Variants in DLG4 observed in about 807,000 individuals in gnomAD.
DLG4 encodes discs large MAGUK scaffold protein 4, also known as disks large homolog 4.
A neutral mutation model predicts 93.8 loss-of-function variants in DLG4; 7 were observed. The ratio of observed to expected loss-of-function variants is 0.07; its 90% CI spans 0.04 to 0.14. The LOEUF is 0.14. Ranked by LOEUF, DLG4 falls within the 10% of genes least tolerant of loss-of-function variation. The probability of loss-of-function intolerance (pLI) is 1.00; values close to 1 mark genes in which losing one functional copy is unlikely to be tolerated. For missense variants in DLG4, 545 were observed against 992.9 expected, an observed-to-expected ratio of 0.55 and a Z score of 6.06; for synonymous variants, 341 against 387.6, an observed-to-expected ratio of 0.88 and a Z score of 1.41.
At chr17:7,205,915 G>A (rs545465648) in intron 2 of DLG4, among the ~76,000 whole-genome samples, 3 of 151,006 alleles carry the variant, frequency 2.0e-5, no homozygotes, top group South Asian at 2.1e-4. Flanking sequence ...CATCCACTAC[G>A]ACATTCATTT....
At chr17:7,219,459 A>T (rs2071080957), upstream of DLG4, 1 of 1,028,232 alleles carries the variant, frequency 9.7e-7, no homozygotes, top group African/African-American at 1.7e-5. Context: ...TCTCAGAAGA[A>T]TACACTTAGG....
At position 7,195,779 on chromosome 17, in the gene DLG4, G is replaced by C. The variant is rs771015246; in HGVS notation, c.1301+441C>G. Among the ~76,000 whole-genome samples the C allele has an allele frequency of 6.6e-6, 1 of 152,188 alleles. No homozygotes were observed. Among genetic ancestry groups the C allele is most frequent in the Admixed American group, 6.5e-5 (1 of 15,286 alleles). On this transcript the variant is annotated intron_variant, in intron 11 of 19. Coordinates refer to ENST00000399506, the MANE Select transcript of DLG4 (RefSeq NM_001321075.3). This position sits in a 1 kb window ranked among gnomAD's most constrained non-coding sequence, Gnocchi z 4.3. ...AGCCACAAAAAGAGTCAATGGAGAC[G>C]AGCCCTAAGAGGGGAGCAAAATGCC...
intron 8 of DLG4, 187 bp downstream of exon 8, chr17:7,202,716 G>A (rs764741380): frequency 7.3e-5 from 56 of 766,124 alleles, no homozygotes; most frequent in African/African-American, 2.3e-4. Flanking sequence ...GATCGTTGAC[G>A]ATCTTTTCTA....
rs374480261 is a variant in DLG4 at position 7,204,258 on chromosome 17, T to A, written c.97-6A>T. On this transcript the variant is annotated splice_region_variant and splice_polypyrimidine_tract_variant and intron_variant, in intron 2 of 19. Transcript: ENST00000399506. ...ATCACTGGGGGAGAATTGGCCTGTT[T>A]GGGAAAACAAGAGACAAAAAGCAGC... 6.9e-5 allele frequency: 110 copies of A among 1,582,790 alleles called. No homozygotes were observed. The highest frequency in any genetic ancestry group is 8.3e-5 in the Non-Finnish European group (97 of 1,162,884).
rs557346415 is a variant in DLG4 at position 7,194,201 on chromosome 17, A to G, written c.1478+118T>C. On this transcript the variant is annotated intron_variant, in intron 12 of 19. Coordinates refer to ENST00000399506, the MANE Select transcript of DLG4 (RefSeq NM_001321075.3). The surrounding 1 kb of genome is among the most constrained non-coding windows in gnomAD (Gnocchi z 4.4). The stretch of plus-strand genomic sequence containing the variant: ...GAGCCACGGACCCCAGGAGGGCCCA[A>G]CAGACAAACCCCTAGGAGTTCAGAG... The G allele has an allele frequency of 4.2e-6, 6 of 1,413,048 alleles. No individual in the cohort carries two copies. In the Admixed American group the frequency reaches 1.4e-4, roughly 32 times the overall value. 87.5% of individuals were successfully genotyped at this position (1,413,048 alleles called of 1,614,324 possible).
chr17:7,205,471 A>G (rs2070413506), intron 2 of DLG4, among the ~76,000 whole-genome samples: 1 of 152,112 alleles, frequency 6.6e-6, no homozygotes, highest in Admixed American at 6.5e-5. Flanking sequence ...CAGTCGCCCA[A>G]GCGCAAGGAT....
Position 7,217,583 on chromosome 17 carries a change from G to C in DLG4, c.-436C>G. 7.3e-7 allele frequency: 1 copy of C among 1,379,226 alleles called. No individual in the cohort carries two copies. The highest frequency in any genetic ancestry group is 1.5e-5 in the African/African-American group (1 of 64,528). 85.4% of individuals were successfully genotyped at this position (1,379,226 alleles called of 1,614,324 possible). ...GGGTGGGGGGGTTGGAAACGGCAGC[G>C]GCCGAGGGAGCCGTGGAGCCGAAGA... is the stretch of plus-strand genomic sequence containing the variant. On this transcript the variant is annotated 5_prime_UTR_variant, in exon 1 of 20. Transcript: ENST00000399506.
intron 8 of DLG4, 119 bp downstream of exon 8, chr17:7,202,784 T>C (rs2070214837): frequency 2.4e-6 from 3 of 1,241,764 alleles, no homozygotes; most frequent in Non-Finnish European, 3.5e-6. Context: ...GGATCAGAGG[T>C]TGTGGCTATT....
intron 2 of DLG4, among the ~76,000 whole-genome samples, chr17:7,206,668 G>C (rs778664576): frequency 3.0e-4 from 46 of 151,990 alleles, no homozygotes; most frequent in Admixed American, 2.6e-4. Flanking sequence ...TCCTTTCCTT[G>C]CTCTGTCAGC....
At chr17:7,198,028 G>A (rs1341555057) in intron 8 of DLG4, among the ~76,000 whole-genome samples, 1 of 152,116 alleles carries the variant, frequency 6.6e-6, no homozygotes, top group African/African-American at 2.4e-5. Flanking sequence ...AAGATTAATG[G>A]TAGGTTCAGG....
rs554197823 is a variant in DLG4 at position 7,208,697 on chromosome 17, C to T, written c.31-458G>A. ...AGACTCACTCTTGTTCTAGCCTCCC[C>T]TCCCCTACCCCTCTGGCTGCTCCTA... On this transcript the variant is annotated intron_variant, in intron 1 of 19. Transcript: ENST00000399506. This position sits in a 1 kb window ranked among gnomAD's most constrained non-coding sequence, Gnocchi z 5.4. 6.6e-6 allele frequency among the ~76,000 whole-genome samples: 1 copy of T among 152,226 alleles called. No homozygotes were observed. Among genetic ancestry groups the T allele is most frequent in the East Asian group, 1.9e-4 (1 of 5,172 alleles).
chr17:7,218,968 T>G, upstream of DLG4: 1 of 1,069,808 alleles, frequency 9.3e-7, no homozygotes, highest in Non-Finnish European at 1.4e-6. Flanking sequence ...AGCTGTCCCA[T>G]TCCCCCAGGT....
chr17:7,193,342 A>G lies in DLG4; in HGVS notation c.1693+141T>C. 1 of 1,025,778 alleles carries G rather than the reference A, an allele frequency of 9.7e-7. No individual in the cohort carries two copies. The highest frequency in any genetic ancestry group is 1.4e-6 in the Non-Finnish European group (1 of 717,040). 63.5% of individuals were successfully genotyped at this position (1,025,778 alleles called of 1,614,324 possible). A position where few individuals can be genotyped will look rare whatever the true frequency, so the allele number is the denominator to read the frequency against. On this transcript the variant is annotated intron_variant, in intron 16 of 19. Coordinates refer to ENST00000399506, the MANE Select transcript of DLG4 (RefSeq NM_001321075.3). This position sits in a 1 kb window ranked among gnomAD's most constrained non-coding sequence, Gnocchi z 6.7. ...GTACTATGGAATGAGAGGGTGGCTG[A>G]GAAGCACCCCTTCTCGGAGAAACCC...
intron 2 of DLG4, 187 bp from the exon 3 acceptor site, chr17:7,204,439 A>G (rs1305142411): frequency 1.7e-6 from 1 of 605,698 alleles, no homozygotes; most frequent in East Asian, 2.8e-5. Flanking sequence ...GCACATGCGC[A>G]CGCGCACACA....
rs1458593015 is a variant in DLG4 at position 7,195,997 on chromosome 17, A to C, written c.1301+223T>G. 6.6e-6 allele frequency among the ~76,000 whole-genome samples: 1 copy of C among 152,228 alleles called. No individual in the cohort carries two copies. Among genetic ancestry groups the C allele is most frequent in the Non-Finnish European group, 1.5e-5 (1 of 68,040 alleles). ...AGTGCTGGGATGACCAGGGGCTAGA[A>C]GGCAATTGGGATACTTGGGGCAGAG... is the stretch of plus-strand genomic sequence containing the variant. On this transcript the variant is annotated intron_variant, in intron 11 of 19. Transcript: ENST00000399506. This position sits in a 1 kb window ranked among gnomAD's most constrained non-coding sequence, Gnocchi z 4.3.
rs1408572008 is a variant in DLG4, at chr17:7,196,806, C to T, written c.1034G>A (p.Gly345Asp). The change falls in exon 9 of 20, where the codon GGC (glycine) becomes GAC (aspartate). Residue 345 changes from glycine to aspartate, a missense_variant. Gly to Asp is a moderately conservative substitution (Grantham distance 94, BLOSUM62 -1). Around this residue, in one of 5 missense-constraint regions of DLG4, gnomAD observed 428 missense variants for 741.4 expected, o/e 0.58. Coordinates refer to ENST00000399506, the MANE Select transcript of DLG4 (RefSeq NM_001321075.3). This position sits in a 1 kb window ranked among gnomAD's most constrained non-coding sequence, Gnocchi z 8.3. ...GIFISFILAG[G>D]PADLSGELRK... ...CAGCTCCCCACTGAGGTCTGCAGGG[C>T]CCCCGGCCAGGATAAAGGAGATGAA... is the stretch of plus-strand genomic sequence containing the variant. 6.2e-7 allele frequency: 1 copy of T among 1,611,786 alleles called. No homozygotes were observed. The highest frequency in any genetic ancestry group is 8.5e-7 in the Non-Finnish European group (1 of 1,179,050).
intron 1 of DLG4, among the ~76,000 whole-genome samples, chr17:7,213,024 C>A (rs948568897): frequency 6.6e-6 from 1 of 151,868 alleles, no homozygotes; most frequent in South Asian, 2.1e-4. Context: ...CAGAGTGAGA[C>A]TCGGTCTCAA....
Position 7,187,547 on chromosome 17 carries a change from C to CAAT in DLG4, c.*3158_*3160dup, listed in dbSNP as rs61283875. ...GGCAACAAGAGCGAAACTCTGTCTC[C>CAAT]AATAATAATAATAATAATAATAATA... is the stretch of plus-strand genomic sequence containing the variant. On this transcript the variant is annotated 3_prime_UTR_variant, in exon 20 of 20. Transcript: ENST00000399506. Among the ~76,000 whole-genome samples, 32,152 of 145,626 alleles carry CAAT rather than the reference C, an allele frequency of 0.22. 3,641 individuals are homozygous for CAAT. Among genetic ancestry groups the CAAT allele is most frequent in the South Asian group, 0.31 (1,409 of 4,494 alleles).
intron 1 of DLG4, among the ~76,000 whole-genome samples, chr17:7,211,090 C>A (rs1167319437): frequency 1.7e-5 from 2 of 119,400 alleles, no homozygotes; most frequent in East Asian, 2.6e-4. Flanking sequence ...AAATTTTCGA[C>A]GTACATGTAG....
Sources: gnomAD v4.1 joint callset for allele counts (sites outside exome capture counted in the v4.1 genomes callset) on GRCh38, gnomAD v4.1.1 for gene constraint, gnomAD v4.1.1 regional missense constraint, Gnocchi (gnomAD v3.1) non-coding constraint, MANE v1.5 for transcripts, NCBI Gene and HGNC (gene_info 2026-07-23, HGNC 2026-07-21) for gene names.